The following N4BP2L2 variants were observed in gnomAD, a reference collection of about 807,000 sequenced individuals.
N4BP2L2 encodes NEDD4 binding protein 2 like 2.
N4BP2L2 carries 50 observed loss-of-function variants against 56.2 expected under a neutral mutation model. That is an observed-to-expected ratio of 0.89 (90% CI 0.71 to 1.13). N4BP2L2 has a LOEUF of 1.13. Ranked by LOEUF, N4BP2L2 falls within the 50% of genes most tolerant of loss-of-function variation. N4BP2L2 has a pLI of 0.00. For synonymous variants in N4BP2L2, 203 were observed against 223.6 expected, an observed-to-expected ratio of 0.91 and a Z score of 0.82; for missense variants, 689 against 693.8, an observed-to-expected ratio of 0.99 and a Z score of 0.08.
chr13:32,520,823 A>G (rs2050677980), intron 5 of N4BP2L2, among the ~76,000 whole-genome samples: 1 of 152,200 alleles, frequency 6.6e-6, no homozygotes, highest in East Asian at 1.9e-4. Context: ...GCGAAAACTC[A>G]GTTCTCCCTG....
At chr13:32,470,199 C>A (rs937038995) in intron 6 of N4BP2L2, among the ~76,000 whole-genome samples, 1 of 152,094 alleles carries the variant, frequency 6.6e-6, no homozygotes, top group Non-Finnish European at 1.5e-5. Flanking sequence ...CTTGATGGAC[C>A]GCTTGACAAT....
chr13:32,517,013 C>T, exon 6 of N4BP2L2: 1 of 969,326 alleles, frequency 1.0e-6, no homozygotes, highest in African/African-American at 1.8e-5. Context: ...AGTACAAATC[C>T]TCTTATGACC....
chr13:32,474,171 G>A (rs2082815332), intron 6 of N4BP2L2, among the ~76,000 whole-genome samples: 1 of 152,076 alleles, frequency 6.6e-6, no homozygotes, highest in Non-Finnish European at 1.5e-5. Flanking sequence ...GTAAATAAAT[G>A]TGTAAACTTA....
chr13:32,448,469 A>G (rs1291101189), intron 6 of N4BP2L2, among the ~76,000 whole-genome samples: 1 of 152,204 alleles, frequency 6.6e-6, no homozygotes, highest in Non-Finnish European at 1.5e-5. Context: ...GAAGAAAATA[A>G]GAAATGAACA....
At chr13:32,491,033 T>G (rs1394225386) in intron 6 of N4BP2L2, among the ~76,000 whole-genome samples, 5 of 150,794 alleles carry the variant, frequency 3.3e-5, no homozygotes, top group Admixed American at 3.3e-4. Flanking sequence ...TCAGGAGCCT[T>G]GAGACCTACT....
rs534568703 is a variant in N4BP2L2 at position 32,486,930 on chromosome 13, C to T, written c.365+30927G>A. Among the ~76,000 whole-genome samples the T allele has an allele frequency of 7.2e-5, 11 of 152,094 alleles. No individual in the cohort carries two copies. The South Asian group carries it at 8.3e-4, about 11-fold the overall frequency. ...AGGAGAATCATTTGAACTCGGAAGA[C>T]GGAGGTTGCAGTGAGCCGAGATCAC... On this transcript the variant is annotated intron_variant, in intron 6 of 9. Transcript: ENST00000357505.
chr13:32,510,081 G>T (rs1295355902), downstream of N4BP2L2, among the ~76,000 whole-genome samples: 1 of 151,776 alleles, frequency 6.6e-6, no homozygotes, highest in Non-Finnish European at 1.5e-5. Context: ...TTCCATAAAA[G>T]AATAAAAAGT....
chr13:32,475,780 A>G (rs148911107), intron 6 of N4BP2L2, among the ~76,000 whole-genome samples: 1 of 152,322 alleles, frequency 6.6e-6, no homozygotes, highest in East Asian at 1.9e-4. Context: ...CCATATCCCT[A>G]CTATCTGCCT....
At chr13:32,466,733 C>G (rs906626557) in intron 6 of N4BP2L2, among the ~76,000 whole-genome samples, 1 of 151,740 alleles carries the variant, frequency 6.6e-6, no homozygotes, top group Non-Finnish European at 1.5e-5. Context: ...CTGTGACTAG[C>G]AAGGGTCTTC....
chr13:32,483,033 C>G (rs1333805551), intron 6 of N4BP2L2, among the ~76,000 whole-genome samples: 1 of 152,184 alleles, frequency 6.6e-6, no homozygotes, highest in Non-Finnish European at 1.5e-5. Context: ...AATTATTTCA[C>G]TAATGTGGTA....
intron 7 of N4BP2L2, among the ~76,000 whole-genome samples, chr13:32,439,860 A>C (rs1384358389): frequency 8.9e-5 from 12 of 134,978 alleles, no homozygotes; most frequent in African/African-American, 3.4e-4. Flanking sequence ...AGAATCCAAA[A>C]AAAAAAAAAA....
intron 7 of N4BP2L2, among the ~76,000 whole-genome samples, chr13:32,441,452 G>A (rs923127864): frequency 2.0e-5 from 3 of 152,058 alleles, no homozygotes; most frequent in African/African-American, 7.2e-5. Flanking sequence ...GGGAGGCTGA[G>A]GCGGGTAGAT....
At chr13:32,527,244 A>G (rs2053282138) in intron 3 of N4BP2L2, 164 bp downstream of exon 3, 1 of 683,862 alleles carries the variant, frequency 1.5e-6, no homozygotes, top group Admixed American at 3.1e-5. Flanking sequence ...TAGGGCAAGT[A>G]TAATTATCAC....
intron 3 of N4BP2L2, among the ~76,000 whole-genome samples, chr13:32,525,777 T>A (rs908785597): frequency 1.9e-4 from 29 of 152,188 alleles, no homozygotes; most frequent in African/African-American, 6.5e-4. Flanking sequence ...CAACCCTAGT[T>A]GGCAGCTTTG....
At chr13:32,465,793 A>G (rs991678243) in intron 6 of N4BP2L2, among the ~76,000 whole-genome samples, 2 of 152,154 alleles carry the variant, frequency 1.3e-5, no homozygotes, top group Non-Finnish European at 2.9e-5. Context: ...AGCTGGGATT[A>G]TAGGTGCGTA....
intron 6 of N4BP2L2, among the ~76,000 whole-genome samples, chr13:32,502,789 G>A (rs74324201): frequency 0.045 from 6,893 of 152,178 alleles, 506 homozygotes; most frequent in African/African-American, 0.16. Context: ...CCATTGCTCC[G>A]TGAACACCAG....
chr13:32,536,215 T>C (rs777220219), exon 2 of N4BP2L2: 4 of 1,613,704 alleles, frequency 2.5e-6, no homozygotes, highest in Non-Finnish European at 3.4e-6. Context: ...TAAAAGGATA[T>C]ACTGACTGCC....
At chr13:32,504,699 T>C (rs207630) in intron 6 of N4BP2L2, 96,867 of 151,954 alleles carry the variant, frequency 0.64, 32,321 homozygotes, top group Non-Finnish European at 0.75. Context: ...TCTTGACCCA[T>C]TTCAGTATCA....
At chr13:32,440,176 T>C (rs1045439030) in intron 7 of N4BP2L2, among the ~76,000 whole-genome samples, 8 of 152,218 alleles carry the variant, frequency 5.3e-5, no homozygotes, top group Admixed American at 1.3e-4. Context: ...ACTTAGTCAA[T>C]CTTTGGTCTC....
Sources: allele counts gnomAD v4.1 joint callset (sites outside exome capture counted in the v4.1 genomes callset), GRCh38; gene constraint gnomAD v4.1.1; transcripts MANE v1.5; gene names NCBI Gene and HGNC (gene_info 2026-07-23, HGNC 2026-07-21).